B3GALT1: variants seen among roughly 807,000 people sequenced by gnomAD.
The protein encoded by B3GALT1 is UDP-Gal:betaGlcNAc beta 1,3-galactosyltransferase, polypeptide 1.
In B3GALT1, 10 loss-of-function variants were observed where a neutral mutation model predicts 23.2. The ratio of observed to expected loss-of-function variants is 0.43; its 90% confidence interval spans 0.27 to 0.73. The LOEUF is 0.73. B3GALT1 is among the 30% of genes least tolerant of loss of function. The probability of loss-of-function intolerance (pLI) is 0.21; values close to 1 mark genes in which losing one functional copy is unlikely to be tolerated. For synonymous variants in B3GALT1, 156 were observed against 141.5 expected, an observed-to-expected ratio of 1.10 and a Z score of -0.73; for missense variants, 299 against 405.4, an observed-to-expected ratio of 0.74 and a Z score of 2.25.
intron 2 of B3GALT1, among the ~76,000 whole-genome samples, chr2:167,599,909 T>G (rs1169375261): frequency 6.6e-6 from 1 of 152,202 alleles, no homozygotes; most frequent in Non-Finnish European, 1.5e-5. Context: ...ATCATAGATA[T>G]GGAAATCTAT....
intron 1 of B3GALT1, among the ~76,000 whole-genome samples, chr2:167,425,347 A>G (rs1698607324): frequency 6.6e-6 from 1 of 152,224 alleles, no homozygotes; most frequent in African/African-American, 2.4e-5. Context: ...TGTATTGAAT[A>G]ATGCAGTGGC....
chr2:167,800,806 T>A (rs1688626988), intron 3 of B3GALT1, among the ~76,000 whole-genome samples: 1 of 152,140 alleles, frequency 6.6e-6, no homozygotes. Context: ...TCTTGGTGAG[T>A]CCTTAGAGAC....
rs185989965 is a variant in B3GALT1, at chr2:167,444,294, T to C, written c.-510-45883T>C. Among the ~76,000 whole-genome samples the C allele has an allele frequency of 2.7e-3, 416 of 152,358 alleles. 1 individual carries two copies. The highest frequency in any genetic ancestry group is 9.1e-3 in the African/African-American group (379 of 41,580). On this transcript the variant is annotated intron_variant, in intron 1 of 4. Transcript: ENST00000392690. ...CACTATTTTATTGAGGATTTTTGCA[T>C]TGATGGTCATCAGGGATATTGGCCT...
chr2:167,400,070 A>G (rs1480521623), intron 1 of B3GALT1, among the ~76,000 whole-genome samples: 1 of 151,942 alleles, frequency 6.6e-6, no homozygotes, highest in Non-Finnish European at 1.5e-5. Context: ...TAGAAGTCTG[A>G]TTCCAGAGTG....
At chr2:167,499,181 A>G (rs1364155402) in intron 2 of B3GALT1, among the ~76,000 whole-genome samples, 1 of 152,168 alleles carries the variant, frequency 6.6e-6, no homozygotes, top group Non-Finnish European at 1.5e-5. Context: ...TAAATTTGTT[A>G]GCAAATGAAA....
intron 3 of B3GALT1, among the ~76,000 whole-genome samples, chr2:167,771,592 C>T (rs1035589911): frequency 6.6e-6 from 1 of 152,124 alleles, no homozygotes; most frequent in Non-Finnish European, 1.5e-5. Context: ...AACAAACAAA[C>T]AAAAAACAAT....
At chr2:167,760,177 C>T (rs900819644) in intron 3 of B3GALT1, among the ~76,000 whole-genome samples, 1 of 152,078 alleles carries the variant, frequency 6.6e-6, no homozygotes, top group African/African-American at 2.4e-5. Context: ...AAACTATTAG[C>T]CAGAAAGATT....
At chr2:167,610,925 AAAG>A (rs1201175512) in intron 2 of B3GALT1, among the ~76,000 whole-genome samples, 12 of 149,780 alleles carry the variant, frequency 8.0e-5, no homozygotes, top group East Asian at 1.9e-4. Context: ...AAAAAAAAAA[AAAG>A]AGAGAGAGAG....
At chr2:167,637,656 A>G (rs1441787093) in intron 2 of B3GALT1, among the ~76,000 whole-genome samples, 1 of 151,834 alleles carries the variant, frequency 6.6e-6, no homozygotes, top group Non-Finnish European at 1.5e-5. Flanking sequence ...CCCCACTTCC[A>G]TCCTCACACC....
chr2:167,491,895 C>A (rs977407429), intron 2 of B3GALT1, among the ~76,000 whole-genome samples: 1 of 151,880 alleles, frequency 6.6e-6, no homozygotes, highest in Non-Finnish European at 1.5e-5. Context: ...TCTTCTCGCT[C>A]AATCCACACT....
intron 1 of B3GALT1, among the ~76,000 whole-genome samples, chr2:167,460,609 G>T (rs183259308): frequency 6.6e-6 from 1 of 151,116 alleles, no homozygotes; most frequent in Admixed American, 6.6e-5. Flanking sequence ...CTTTTTCAGG[G>T]ACAGTTTCTA....
At chr2:167,451,437 A>G (rs912977942) in intron 1 of B3GALT1, among the ~76,000 whole-genome samples, 1 of 152,094 alleles carries the variant, frequency 6.6e-6, no homozygotes, top group East Asian at 1.9e-4. Flanking sequence ...GCTTCCTGAC[A>G]GGTGAGCTGT....
At chr2:167,317,170 A>G (rs954751501) in intron 1 of B3GALT1, among the ~76,000 whole-genome samples, 17 of 152,142 alleles carry the variant, frequency 1.1e-4, no homozygotes, top group Non-Finnish European at 2.1e-4. Context: ...TAATGTGTTT[A>G]TGTCGGAGGA....
intron 3 of B3GALT1, among the ~76,000 whole-genome samples, chr2:167,793,762 C>T (rs1268394589): frequency 6.6e-6 from 1 of 152,150 alleles, no homozygotes; most frequent in Non-Finnish European, 1.5e-5. Context: ...GCGTGGATGG[C>T]ATCTAGTCCC....
intron 3 of B3GALT1, among the ~76,000 whole-genome samples, chr2:167,762,701 G>T (rs530238496): frequency 6.6e-6 from 1 of 152,244 alleles, no homozygotes; most frequent in East Asian, 1.9e-4. Flanking sequence ...TAGAGTTTGG[G>T]GTATGACTGG....
Position 167,810,111 on chromosome 2 carries a change from C to T in B3GALT1, c.-351-8561C>T, listed in dbSNP as rs541955349. 2.6e-4 allele frequency among the ~76,000 whole-genome samples: 39 copies of T among 148,038 alleles called. 1 individual carries two copies. The highest frequency in any genetic ancestry group is 3.5e-4 in the Non-Finnish European group (24 of 68,006). ...GCGTGGGATATAATCTCCTGGTGTG[C>T]GGCTTGCTAAGACCATTGGAAAAGG... On this transcript the variant is annotated intron_variant, in intron 3 of 4. Transcript: ENST00000392690.
intron 2 of B3GALT1, among the ~76,000 whole-genome samples, chr2:167,565,176 A>T (rs1014295279): frequency 1.1e-4 from 17 of 152,302 alleles, no homozygotes; most frequent in Admixed American, 9.1e-4. Context: ...TCAATGGAAC[A>T]GAACAGAGCC....
At chr2:167,629,413 A>G (rs1685401379) in intron 2 of B3GALT1, among the ~76,000 whole-genome samples, 1 of 151,724 alleles carries the variant, frequency 6.6e-6, no homozygotes, top group South Asian at 2.1e-4. Flanking sequence ...CATCACATAG[A>G]TGAGAGTTCC....
chr2:167,808,756 T>C (rs1362184722), intron 3 of B3GALT1, among the ~76,000 whole-genome samples: 1 of 152,158 alleles, frequency 6.6e-6, no homozygotes, highest in Non-Finnish European at 1.5e-5. Context: ...CTGACAATTA[T>C]GTGTCTTGGA....
Sources: gnomAD v4.1 joint callset for allele counts (sites outside exome capture counted in the v4.1 genomes callset) on GRCh38, gnomAD v4.1.1 for gene constraint, MANE v1.5 for transcripts, NCBI Gene and HGNC (gene_info 2026-07-23, HGNC 2026-07-21) for gene names.